Variants in DNAH2 observed in about 807,000 individuals in gnomAD.
DNAH2 encodes the protein dynein axonemal heavy chain 2.
DNAH2 carries 323 observed loss-of-function variants against 523.5 expected under a neutral mutation model. That is an observed-to-expected ratio of 0.62 (90% CI 0.56 to 0.68). The LOEUF (loss-of-function observed/expected upper bound fraction) is 0.68. Ranked by LOEUF, DNAH2 falls within the 30% of genes least tolerant of loss-of-function variation. The probability of loss-of-function intolerance (pLI) is 0.00; values close to 1 mark genes in which losing one functional copy is unlikely to be tolerated. For missense variants in DNAH2, 4,907 were observed against 5,701.5 expected (o/e 0.86, Z 4.49); for synonymous variants, 2,093 against 2,177.4 (o/e 0.96, Z 1.08).
chr17:7,785,721 C>T (rs1194577611), intron 39 of DNAH2, among the ~76,000 whole-genome samples: 2 of 152,138 alleles, frequency 1.3e-5, no homozygotes, highest in Non-Finnish European at 2.9e-5. Flanking sequence ...GTGAGCTCTG[C>T]AATAGGACGA....
chr17:7,823,945 C>G lies in DNAH2; in HGVS notation c.11441C>G (p.Ser3814Cys). 2 of 1,613,836 alleles carry G rather than the reference C, an allele frequency of 1.2e-6. No individual in the cohort carries two copies. The highest frequency in any genetic ancestry group is 3.3e-5 in the Admixed American group (2 of 60,026). ...VTSFIITNLG[S>C]RFIEPPVLNM... is the part of the protein sequence containing the mutation. ...TCCTTCATCATCACCAACCTTGGCT[C>G]CCGCTTCATCGAGCCGCCTGTGCTG... Residue 3814 changes from serine to cysteine, a missense_variant, in exon 75 of 86, where the codon TCC becomes TGC. Physicochemically the swap from Ser to Cys is moderately radical, Grantham distance 112 (BLOSUM62 -1). Around this residue, in one of 3 missense-constraint regions of DNAH2, gnomAD observed 1,851 missense variants for 2,139.4 expected, o/e 0.87. Coordinates refer to ENST00000572933, the MANE Select transcript of DNAH2 (RefSeq NM_020877.5).
At chr17:7,766,821 T>C (rs927904600) in intron 22 of DNAH2, among the ~76,000 whole-genome samples, 2 of 151,774 alleles carry the variant, frequency 1.3e-5, no homozygotes, top group African/African-American at 2.4e-5. Flanking sequence ...CTAATTTTTA[T>C]ATTTTTAGTA....
chr17:7,738,244 G>T, intron 8 of DNAH2: 1 of 616,400 alleles, frequency 1.6e-6, no homozygotes, highest in Non-Finnish European at 2.9e-6. Flanking sequence ...CGAGACCCAG[G>T]AGTTTCTACA....
At position 7,821,198 on chromosome 17, in the gene DNAH2, C is replaced by A. The variant is rs764895029; in HGVS notation, c.11016-45C>A. 40 of 1,597,122 alleles carry A rather than the reference C, an allele frequency of 2.5e-5. No homozygotes were observed. Among genetic ancestry groups the A allele is most frequent in the Non-Finnish European group, 3.2e-5 (38 of 1,169,306 alleles). ...ATAGCATTCGCATGGAGCATCAGCC[C>A]CCATTCCATGCTGCCCCTCCCTCTT... On this transcript the variant is annotated intron_variant, in intron 72 of 85. Coordinates refer to ENST00000572933, the MANE Select transcript of DNAH2 (RefSeq NM_020877.5). The surrounding 1 kb of genome is among the most constrained non-coding windows in gnomAD (Gnocchi z 5.0).
At chr17:7,785,250 C>T (rs1415789584) in intron 39 of DNAH2, among the ~76,000 whole-genome samples, 9 of 151,968 alleles carry the variant, frequency 5.9e-5, no homozygotes, top group East Asian at 5.8e-4. Context: ...TACAGGCACA[C>T]GCCACCACAC....
intron 35 of DNAH2, 31 bp from the exon 36 acceptor site, chr17:7,779,212 G>T (rs780691519): frequency 6.2e-7 from 1 of 1,606,300 alleles, no homozygotes; most frequent in East Asian, 2.2e-5. Flanking sequence ...GGCACCTCTC[G>T]CTCCCAGTGA....
In DNAH2 at chr17:7,760,017, G is replaced by T. The variant is rs539108929; in HGVS notation, c.2785+79G>T. 1.3e-6 allele frequency: 2 copies of T among 1,598,766 alleles called. No homozygotes were observed. The highest frequency in any genetic ancestry group is 2.2e-5 in the South Asian group (2 of 89,798). On this transcript the variant is annotated intron_variant, in intron 17 of 85. Coordinates refer to ENST00000572933, the MANE Select transcript of DNAH2 (RefSeq NM_020877.5). The surrounding 1 kb of genome is among the most constrained non-coding windows in gnomAD (Gnocchi z 4.0). ...GGGCCAGGCCAGGAGGAGAGACCAGGGCTATTTCCAGGCATACTGGGCCAG... is the reference window on the plus strand; with the variant it reads ...GGGCCAGGCCAGGAGGAGAGACCAGTGCTATTTCCAGGCATACTGGGCCAG...
chr17:7,734,351 G>A, intron 6 of DNAH2, 58 bp downstream of exon 6: 2 of 1,604,260 alleles, frequency 1.2e-6, no homozygotes, highest in Non-Finnish European at 1.7e-6. Context: ...GGAAAGGGGA[G>A]GCTCGGATGC....
At chr17:7,785,207 T>C (rs1252681048) in intron 39 of DNAH2, among the ~76,000 whole-genome samples, 1 of 151,836 alleles carries the variant, frequency 6.6e-6, no homozygotes, top group Non-Finnish European at 1.5e-5. Flanking sequence ...GTTCAAGCGA[T>C]TCTCGTGCCT....
rs1344588572 is a variant in DNAH2 at position 7,805,392 on chromosome 17, A to C, written c.9441A>C (p.Leu3147=). 1.2e-6 allele frequency: 2 copies of C among 1,614,092 alleles called. No homozygotes were observed. The highest frequency in any genetic ancestry group is 3.3e-5 in the Admixed American group (2 of 60,008). The change falls in exon 61 of 86, where the codon CTA becomes CTC. Residue 3147 remains leucine (L), a splice_region_variant and synonymous_variant. Coordinates refer to ENST00000572933, the MANE Select transcript of DNAH2 (RefSeq NM_020877.5). Reference sequence around the variant, plus strand: ...CATGGGCAGAGGCCAAGAGGCAGCTAGGTAAGCTAGAGACAATGAAATCAA... The same window carrying C: ...CATGGGCAGAGGCCAAGAGGCAGCTCGGTAAGCTAGAGACAATGAAATCAA... The part of the protein sequence containing the change: ...EPTWAEAKRQ[L]GEQNFIKSLI...
chr17:7,739,634 T>C (rs2075247892), intron 8 of DNAH2, 99 bp from the exon 9 acceptor site: 1 of 1,035,772 alleles, frequency 9.7e-7, no homozygotes, highest in Non-Finnish European at 1.4e-6. Context: ...TTGCCATCAC[T>C]CACAGTGATG....
In DNAH2 at chr17:7,767,848, G is replaced by C. The variant is rs1041744007; in HGVS notation, c.3676-52G>C. The stretch of plus-strand genomic sequence containing the variant: ...CAGCGAAGGGCCTGGGCGTCCGTCA[G>C]GGAGGAAGAGGGCAGGTGCCACTTC... On this transcript the variant is annotated intron_variant, in intron 22 of 85. Coordinates refer to ENST00000572933, the MANE Select transcript of DNAH2 (RefSeq NM_020877.5). The C allele has an allele frequency of 2.0e-5, 32 of 1,610,642 alleles. No homozygotes were observed. In the Admixed American group the frequency reaches 5.3e-4, roughly 27 times the overall value.
chr17:7,833,137 G>A lies in DNAH2; in HGVS notation c.13045G>A (p.Val4349Met). 1 of 1,611,982 alleles carries A rather than the reference G, an allele frequency of 6.2e-7. No individual in the cohort carries two copies. Among genetic ancestry groups the A allele is most frequent in the Non-Finnish European group, 8.5e-7 (1 of 1,180,030 alleles). The change falls in exon 85 of 86, where the codon GTG becomes ATG. Residue 4349 changes from valine to methionine, a missense_variant. Coordinates refer to ENST00000572933, the MANE Select transcript of DNAH2 (RefSeq NM_020877.5). ...CTGGGACCGGAAGAACTCCTGCTTGGTGGAGGCAGAGCCCATGCAGCTTGT... is the reference window on the plus strand; with the variant it reads ...CTGGGACCGGAAGAACTCCTGCTTGATGGAGGCAGAGCCCATGCAGCTTGT... ...AGWDRKNSCL[V>M]EAEPMQLVCL...
At chr17:7,815,367 G>A (rs2077630655) in intron 63 of DNAH2, among the ~76,000 whole-genome samples, 1 of 152,248 alleles carries the variant, frequency 6.6e-6, no homozygotes, top group Admixed American at 6.5e-5. Flanking sequence ...TGAGGTGGCA[G>A]CGGGAAAGGG....
At chr17:7,771,084 C>A in intron 27 of DNAH2, 151 bp downstream of exon 27, 1 of 1,013,414 alleles carries the variant, frequency 9.9e-7, no homozygotes, top group Non-Finnish European at 1.4e-6. Flanking sequence ...TAGTTATTAC[C>A]TCTCACCTTA....
chr17:7,768,288 C>T lies in DNAH2; in HGVS notation c.3941+21C>T, dbSNP rs200426217. 259 of 1,613,404 alleles carry T rather than the reference C, an allele frequency of 1.6e-4. 1 individual carries two copies. In the African/African-American group the frequency reaches 2.5e-3, roughly 15 times the overall value. ...GAGAGGTGAGGCTTCTCCTCTGCTC[C>T]GGGGTGTCCACTCTGCCCCGCTGGC... is the stretch of plus-strand genomic sequence containing the variant. On this transcript the variant is annotated intron_variant, in intron 24 of 85. Coordinates refer to ENST00000572933, the MANE Select transcript of DNAH2 (RefSeq NM_020877.5).
chr17:7,802,113 A>G (rs1320863602), intron 58 of DNAH2, 96 bp downstream of exon 58: 6 of 1,508,976 alleles, frequency 4.0e-6, no homozygotes, highest in Non-Finnish European at 5.4e-6. Flanking sequence ...GCAGAGACAC[A>G]AAGGCCACAG....
At chr17:7,753,511 C>T (rs182551963) in intron 12 of DNAH2, among the ~76,000 whole-genome samples, 19 of 152,180 alleles carry the variant, frequency 1.2e-4, no homozygotes, top group South Asian at 2.1e-4. Context: ...GTATCCCCAG[C>T]GCCTAGCTGA....
rs902499892 is a variant in DNAH2, at chr17:7,792,732, C to T, written c.7221C>T (p.Ala2407=). 6 of 1,614,038 alleles carry T rather than the reference C, an allele frequency of 3.7e-6. No individual in the cohort carries two copies. The African/African-American group carries it at 5.3e-5, about 14-fold the overall frequency. Residue 2407 remains alanine, a synonymous_variant, in exon 47 of 86, where the codon GCC becomes GCT. Transcript: ENST00000572933. ...ACTACCTGGTGAGCAGCTTGGTGGC[C>T]AACCAGAATCCCATTCTGCTGGTGG... The part of the protein sequence containing the change: ...RYNYLVSSLV[A]NQNPILLVGP...
Sources: gnomAD v4.1 joint callset for allele counts (sites outside exome capture counted in the v4.1 genomes callset) on GRCh38, gnomAD v4.1.1 for gene constraint, gnomAD v4.1.1 regional missense constraint, Gnocchi (gnomAD v3.1) non-coding constraint, MANE v1.5 for transcripts, NCBI Gene and HGNC (gene_info 2026-07-23, HGNC 2026-07-21) for gene names.